The following ZNF563 variants were observed in gnomAD, a reference collection of about 807,000 sequenced individuals.
ZNF563 encodes zinc finger protein 563.
A neutral mutation model predicts 48.5 loss-of-function variants in ZNF563; 39 were observed. The ratio of observed to expected loss-of-function variants is 0.80; its 90% CI spans 0.62 to 1.05. The LOEUF is 1.05. ZNF563 is among the 50% of genes least tolerant of loss of function. The pLI is 0.00. For synonymous variants in ZNF563, 168 were observed against 187.9 expected, an observed-to-expected ratio of 0.89 and a Z score of 0.87; for missense variants, 538 against 597.0, an observed-to-expected ratio of 0.90 and a Z score of 1.03.
At chr19:12,333,711 T>A, upstream of ZNF563, 1 of 576,150 alleles carries the variant, frequency 1.7e-6, no homozygotes, top group Non-Finnish European at 3.0e-6. Flanking sequence ...GCCGTGCGCC[T>A]GATTGACAGT....
At chr19:12,339,315 T>C in the ZNF563 span, among the ~76,000 whole-genome samples, 2 of 143,908 alleles carry the variant, frequency 1.4e-5, no homozygotes, top group Non-Finnish European at 3.0e-5. Flanking sequence ...AGTCTCGCTC[T>C]GTCACCCAGG....
chr19:12,336,203 G>A (rs1473851089), upstream of ZNF563, among the ~76,000 whole-genome samples: 2 of 152,220 alleles, frequency 1.3e-5, no homozygotes, highest in African/African-American at 4.8e-5. Flanking sequence ...CCTTGGGCCT[G>A]TAATCCCAGC....
chr19:12,331,069 T>C (rs1048618664), intron 1 of ZNF563, among the ~76,000 whole-genome samples: 5 of 152,184 alleles, frequency 3.3e-5, no homozygotes, highest in Non-Finnish European at 7.3e-5. Flanking sequence ...AAACAAGAAT[T>C]TTTTAAAGGC....
intron 1 of ZNF563, among the ~76,000 whole-genome samples, chr19:12,325,518 G>A (rs1968772446): frequency 6.7e-6 from 1 of 149,126 alleles, no homozygotes; most frequent in African/African-American, 2.5e-5. Context: ...AGTCTAAAAG[G>A]AAAAAACTGG....
chr19:12,340,934 A>T, the ZNF563 span, among the ~76,000 whole-genome samples: 1 of 152,194 alleles, frequency 6.6e-6, no homozygotes, highest in Non-Finnish European at 1.5e-5. Context: ...TGCAGTTTGA[A>T]ATAAAAGAAC....
In ZNF563 at chr19:12,319,760, C is replaced by G. The variant is rs546845741; in HGVS notation, c.265G>C (p.Asp89His). The change falls in exon 4 of 4, where the codon GAT becomes CAT. Residue 89 changes from aspartate (D) to histidine (H), a missense_variant. Physicochemically the swap from Asp to His is moderately conservative, Grantham distance 81. Coordinates refer to ENST00000293725, the MANE Select transcript of ZNF563 (RefSeq NM_145276.3). ...QCGETFSLIRDSIVNNSICPG... is the reference protein window; with the variant it reads ...QCGETFSLIRHSIVNNSICPG... ...CAAATGCTGTTGTTCACAATACTATCTCGAATGAGGCTAAATGTTTCTCCA... is the reference window on the plus strand; with the variant it reads ...CAAATGCTGTTGTTCACAATACTATGTCGAATGAGGCTAAATGTTTCTCCA... 2.9e-5 allele frequency: 47 copies of G among 1,614,116 alleles called. No homozygotes were observed. The South Asian group carries it at 4.8e-4, about 17-fold the overall frequency.
the ZNF563 span, among the ~76,000 whole-genome samples, chr19:12,342,154 G>A: frequency 2.6e-5 from 4 of 152,062 alleles, no homozygotes; most frequent in Admixed American, 1.3e-4. Flanking sequence ...TGGGACCACA[G>A]GCTGGAGTGC....
intron 2 of ZNF563, 114 bp downstream of exon 2, chr19:12,322,471 G>T: frequency 1.7e-6 from 2 of 1,158,840 alleles, no homozygotes; most frequent in Non-Finnish European, 2.3e-6. Context: ...TGAATTCTGT[G>T]TTGTTCAAGA....
Position 12,333,580 on chromosome 19 carries a change from C to G in ZNF563, c.-98G>C, listed in dbSNP as rs915379617. 3 of 1,537,568 alleles carry G rather than the reference C, an allele frequency of 2.0e-6. No individual in the cohort carries two copies. Among genetic ancestry groups the G allele is most frequent in the Non-Finnish European group, 2.7e-6 (3 of 1,126,840 alleles). ...GGCTGCCACAGACGTTCCAGGGCGT[C>G]TCTCAGCGACTGAGGCTACACAGAC... On this transcript the variant is annotated 5_prime_UTR_variant, in exon 1 of 4. Coordinates refer to ENST00000293725, the MANE Select transcript of ZNF563 (RefSeq NM_145276.3).
In ZNF563 at chr19:12,333,630, G is replaced by A. The variant is rs1272667734; in HGVS notation, c.-148C>T. On this transcript the variant is annotated 5_prime_UTR_variant, in exon 1 of 4. Transcript: ENST00000293725. ...CGTTCCAGGGCGTCTCTCAGCGAGC[G>A]ACTGAGTCTAGAGCTGAGCGCAGGG... is the stretch of plus-strand genomic sequence containing the variant. 5.6e-6 allele frequency: 7 copies of A among 1,247,204 alleles called. No homozygotes were observed. The allele number at this position is 1,247,204 out of a possible 1,614,324, so 77.3% of individuals were successfully genotyped here. A position where few individuals can be genotyped will look rare whatever the true frequency, so the allele number is the denominator to read the frequency against.
intron 1 of ZNF563, among the ~76,000 whole-genome samples, chr19:12,328,404 G>C (rs1195912301): frequency 6.6e-6 from 1 of 152,178 alleles, no homozygotes; most frequent in African/African-American, 2.4e-5. Context: ...CCTAGGAGTT[G>C]GAGGCTGCAT....
chr19:12,324,864 A>T (rs950206103), intron 1 of ZNF563: 2 of 152,198 alleles, frequency 1.3e-5, no homozygotes, highest in African/African-American at 4.8e-5. Flanking sequence ...AAGTGAAAAA[A>T]TGGTAGAAAA....
At position 12,319,061 on chromosome 19, in the gene ZNF563, C is replaced by G. The variant is rs902052584; in HGVS notation, c.964G>C (p.Gly322Arg). The G allele has an allele frequency of 1.9e-6, 3 of 1,613,984 alleles. No homozygotes were observed. Among genetic ancestry groups the G allele is most frequent in the Non-Finnish European group, 2.5e-6 (3 of 1,180,008 alleles). The change falls in exon 4 of 4, where the codon GGA becomes CGA. Residue 322 changes from glycine to arginine, a missense_variant. Gly to Arg is a moderately radical substitution (Grantham distance 125). Transcript: ENST00000293725. ...CTTTTCATGTGTATCTGAAAGCTTC[C>G]AAGATGATGAAATGTTTTCCCGCAT... ...KQCGKTFHHL[G>R]SFQIHMKRHT...
At chr19:12,332,669 G>C (rs1267528331) in intron 1 of ZNF563, among the ~76,000 whole-genome samples, 1 of 151,954 alleles carries the variant, frequency 6.6e-6, no homozygotes, top group Non-Finnish European at 1.5e-5. Flanking sequence ...ACCATCAAAC[G>C]CCTCAATTTA....
the ZNF563 span, among the ~76,000 whole-genome samples, chr19:12,340,899 G>A: frequency 3.3e-5 from 5 of 151,862 alleles, no homozygotes; most frequent in Non-Finnish European, 2.9e-5. Flanking sequence ...TATTAGATGT[G>A]CTCTGTGAGA....
At chr19:12,328,231 G>T (rs1171764331) in intron 1 of ZNF563, among the ~76,000 whole-genome samples, 1 of 152,004 alleles carries the variant, frequency 6.6e-6, no homozygotes, top group African/African-American at 2.4e-5. Flanking sequence ...TCACACCTGT[G>T]GTGCCACCAC....
rs751358314 is a variant in ZNF563 at position 12,318,873 on chromosome 19, C to T, written c.1152G>A (p.Met384Ile). Reference protein sequence around the residue: ...LSHSSSFRRHMIMHTGGGPHK... With the variant: ...LSHSSSFRRHIIMHTGGGPHK... ...GAGGTCCACCTCCAGTGTGCATTAT[C>T]ATGTGTCTTCGAAAGCTTGAGCTAT... Residue 384 changes from methionine (M) to isoleucine (I), a missense_variant, in exon 4 of 4, where the codon ATG becomes ATA. Physicochemically the swap from Met to Ile is conservative, Grantham distance 10. Transcript: ENST00000293725. 1 of 1,614,152 alleles carries T rather than the reference C, an allele frequency of 6.2e-7. No homozygotes were observed. Among genetic ancestry groups the T allele is most frequent in the South Asian group, 1.1e-5 (1 of 91,076 alleles).
chr19:12,317,809 T>C lies in ZNF563; in HGVS notation c.*785A>G, dbSNP rs72989964. 592 of 154,520 alleles carry C rather than the reference T, an allele frequency of 3.8e-3. 1 individual carries two copies. The highest frequency in any genetic ancestry group is 6.1e-3 in the Non-Finnish European group (413 of 68,118). The allele number at this position is 154,520 out of a possible 1,614,324, so 9.6% of individuals were successfully genotyped here. ...TTAAGGCTTTACTATGTGTTTACATTCATAGGGTTTATCTCCAATGAGAAT... is the reference window on the plus strand; with the variant it reads ...TTAAGGCTTTACTATGTGTTTACATCCATAGGGTTTATCTCCAATGAGAAT... On this transcript the variant is annotated 3_prime_UTR_variant, in exon 4 of 4. Transcript: ENST00000293725.
upstream of ZNF563, among the ~76,000 whole-genome samples, chr19:12,333,996 A>G (rs1165557555): frequency 6.6e-6 from 1 of 152,226 alleles, no homozygotes; most frequent in Non-Finnish European, 1.5e-5. Context: ...AGGGAATCCC[A>G]GACTCACAGT....
Sources: gnomAD v4.1 joint callset for allele counts (sites outside exome capture counted in the v4.1 genomes callset) on GRCh38, gnomAD v4.1.1 for gene constraint, MANE v1.5 for transcripts, NCBI Gene and HGNC (gene_info 2026-07-23, HGNC 2026-07-21) for gene names.